The following DBT variants were observed in gnomAD, a reference collection of about 807,000 sequenced individuals.
DBT encodes lipoamide acyltransferase component of branched-chain alpha-keto acid dehydrogenase complex, mitochondrial.
DBT carries 40 observed loss-of-function variants against 51.3 expected under a neutral mutation model. The ratio of observed to expected loss-of-function variants is 0.78; its 90% CI spans 0.61 to 1.02. The LOEUF is 1.02. DBT is among the 50% of genes least tolerant of loss of function. The probability of loss-of-function intolerance (pLI) is 0.00; values close to 1 mark genes in which losing one functional copy is unlikely to be tolerated. For missense variants in DBT, 510 were observed against 580.2 expected (o/e 0.88, Z 1.24); for synonymous variants, 181 against 190.4 (o/e 0.95, Z 0.41).
At chr1:100,239,137 G>A (rs748935878) in intron 2 of DBT, among the ~76,000 whole-genome samples, 4 of 152,162 alleles carry the variant, frequency 2.6e-5, no homozygotes, top group Non-Finnish European at 5.9e-5. Context: ...TTGGAACACA[G>A]GTGATCAATA....
At chr1:100,222,606 T>C (rs1415010545) in intron 4 of DBT, among the ~76,000 whole-genome samples, 2 of 152,172 alleles carry the variant, frequency 1.3e-5, no homozygotes, top group Non-Finnish European at 2.9e-5. Flanking sequence ...AAAGCAGATA[T>C]TACATTTGTT....
intron 1 of DBT, 81 bp downstream of exon 1, chr1:100,249,689 A>G: frequency 2.9e-6 from 4 of 1,380,184 alleles, no homozygotes; most frequent in Admixed American, 3.3e-5. Flanking sequence ...CTGGCACCGG[A>G]GGAGAAAGTA....
Position 100,225,042 on chromosome 1 carries a change from A to AAAATATATGTAT in DBT, c.433+5690_433+5691insATACATATATTT, listed in dbSNP as rs59482100. The stretch of plus-strand genomic sequence containing the variant: ...CCCCCCAAAAAAAAAAAAAAAAAAA[A>AAAATATATGTAT]ATATATATATACACACACACACACA... On this transcript the variant is annotated intron_variant, in intron 4 of 10. Transcript: ENST00000370132. 3.1e-4 allele frequency among the ~76,000 whole-genome samples: 14 copies of AAAATATATGTAT among 45,654 alleles called. 7 individuals are homozygous for AAAATATATGTAT. The highest frequency in any genetic ancestry group is 1.9e-3 in the South Asian group (2 of 1,054). The allele number at this position is 45,654 out of a possible 152,430, so 30.0% of individuals were successfully genotyped here.
rs536832247 is a variant in DBT at position 100,200,592 on chromosome 1, C to T, written c.1282-4170G>A. The stretch of plus-strand genomic sequence containing the variant: ...ACTGCCTCCTCAAGTGGGTCTCTGA[C>T]CCCCATGCCTCCTGACGGGGAGACA... On this transcript the variant is annotated intron_variant, in intron 10 of 10. Coordinates refer to ENST00000370132, the MANE Select transcript of DBT (RefSeq NM_001918.5). Among the ~76,000 whole-genome samples, 6 of 152,296 alleles carry T rather than the reference C, an allele frequency of 3.9e-5. No individual in the cohort carries two copies. In the East Asian group the frequency reaches 1.2e-3, roughly 29 times the overall value.
chr1:100,195,371 A>G lies in DBT; in HGVS notation c.*884T>C, dbSNP rs1253152923. The G allele has an allele frequency of 6.6e-6, 1 of 152,634 alleles. No individual in the cohort carries two copies. Among genetic ancestry groups the G allele is most frequent in the African/African-American group, 2.4e-5 (1 of 41,450 alleles). The allele number at this position is 152,634 out of a possible 1,614,324, so 9.5% of individuals were successfully genotyped here. A position where few individuals can be genotyped will look rare whatever the true frequency, so the allele number is the denominator to read the frequency against. The stretch of plus-strand genomic sequence containing the variant: ...ACTGGTTATAAAACTATAATTGGAC[A>G]ATTTTAAGGCCAGTTTATACTTTTC... On this transcript the variant is annotated 3_prime_UTR_variant, in exon 11 of 11. Transcript: ENST00000370132.
chr1:100,210,650 A>G (rs1662080168), intron 8 of DBT, 44 bp downstream of exon 8: 2 of 1,611,728 alleles, frequency 1.2e-6, no homozygotes, highest in Admixed American at 3.3e-5. Context: ...CATTTGCCCC[A>G]TCTTCTATTA....
At position 100,216,173 on chromosome 1, in the gene DBT, TG is replaced by T; in HGVS notation, c.581del (p.Ser194Ter). Reference protein sequence around the residue: ...NNIKLSEVVGSGKDGRILKED... With the variant: ...NNIKLSEVVGXGKDGRILKED... Reference sequence around the variant, plus strand: ...CTTTAAGTATTCTGCCATCTTTTCCTGAGCCAACAACTTCACTCAGCTTAAT... The same window carrying T: ...CTTTAAGTATTCTGCCATCTTTTCCTAGCCAACAACTTCACTCAGCTTAAT... On this transcript the variant is annotated frameshift_variant, in exon 6 of 11. Coordinates refer to ENST00000370132, the MANE Select transcript of DBT (RefSeq NM_001918.5). LOFTEE classifies it high-confidence loss of function. 1 of 1,613,614 alleles carries T rather than the reference TG, an allele frequency of 6.2e-7. No individual in the cohort carries two copies. The highest frequency in any genetic ancestry group is 8.5e-7 in the Non-Finnish European group (1 of 1,179,606).
Position 100,230,742 on chromosome 1 carries a change from CT to C in DBT, c.423del (p.Ala142LeufsTer2). On this transcript the variant is annotated frameshift_variant, in exon 4 of 11. Coordinates refer to ENST00000370132, the MANE Select transcript of DBT (RefSeq NM_001918.5). LOFTEE classifies it high-confidence loss of function. ...VGKPLVDIET[E>X]ALKDSEEDVV... ...AACAGACTTACAATACCTTTTAAAG[CT>C]TCCGTTTCTATGTCTACTAATGGCT... 2 of 1,607,194 alleles carry C rather than the reference CT, an allele frequency of 1.2e-6. No individual in the cohort carries two copies. Among genetic ancestry groups the C allele is most frequent in the Non-Finnish European group, 8.5e-7 (1 of 1,175,442 alleles).
At chr1:100,232,154 G>A (rs541047825) in intron 3 of DBT, among the ~76,000 whole-genome samples, 19 of 152,276 alleles carry the variant, frequency 1.2e-4, no homozygotes, top group South Asian at 2.1e-4. Flanking sequence ...TAAGGTAAGC[G>A]TTTCGAGCAT....
At chr1:100,205,194 G>A (rs181176482) in intron 10 of DBT, among the ~76,000 whole-genome samples, 39 of 152,256 alleles carry the variant, frequency 2.6e-4, no homozygotes, top group Non-Finnish European at 1.0e-4. Context: ...GAACATTTTT[G>A]CAATCTATCT....
intron 4 of DBT, among the ~76,000 whole-genome samples, chr1:100,219,297 A>G (rs2100806014): frequency 6.6e-6 from 1 of 152,154 alleles, no homozygotes; most frequent in African/African-American, 2.4e-5. Flanking sequence ...GGCTGCAGTG[A>G]GCTGTAATTG....
At chr1:100,236,185 A>T (rs2100836064) in intron 2 of DBT, among the ~76,000 whole-genome samples, 1 of 151,796 alleles carries the variant, frequency 6.6e-6, no homozygotes, top group Admixed American at 6.6e-5. Flanking sequence ...ACAGCCTCAA[A>T]CTCCTGGGCT....
rs779084294 is a variant in DBT, at chr1:100,192,821, C to T, written c.*3434G>A. 7 of 152,180 alleles carry T rather than the reference C, an allele frequency of 4.6e-5. No individual in the cohort carries two copies. Among genetic ancestry groups the T allele is most frequent in the Non-Finnish European group, 8.8e-5 (6 of 68,040 alleles). 9.4% of individuals were successfully genotyped at this position (152,180 alleles called of 1,614,324 possible). On this transcript the variant is annotated 3_prime_UTR_variant, in exon 11 of 11. Coordinates refer to ENST00000370132, the MANE Select transcript of DBT (RefSeq NM_001918.5). Reference sequence around the variant, plus strand: ...AAAAGAGCCTTGATTTTCTTGCTGACCACTCGCAGCAATAATTTTGGCTTC... The same window carrying T: ...AAAAGAGCCTTGATTTTCTTGCTGATCACTCGCAGCAATAATTTTGGCTTC...
intron 10 of DBT, 109 bp from the exon 11 acceptor site, chr1:100,196,531 T>C: frequency 7.5e-7 from 1 of 1,341,080 alleles, no homozygotes; most frequent in Non-Finnish European, 9.5e-7. Context: ...CAAACCCTTC[T>C]TCCTGTACAG....
intron 9 of DBT, 56 bp from the exon 10 acceptor site, chr1:100,206,357 C>T: frequency 6.4e-7 from 1 of 1,568,006 alleles, no homozygotes; most frequent in Admixed American, 1.7e-5. Context: ...TTTCAGGGAA[C>T]AAATGCCAAG....
chr1:100,228,484 CAT>C (rs1663348640), intron 4 of DBT, among the ~76,000 whole-genome samples: 4 of 152,226 alleles, frequency 2.6e-5, no homozygotes, highest in East Asian at 3.9e-4. Context: ...ATAGGCCAGG[CAT>C]GGTGGCTCAT....
At chr1:100,236,245 A>C (rs1423262812) in intron 2 of DBT, among the ~76,000 whole-genome samples, 1 of 152,012 alleles carries the variant, frequency 6.6e-6, no homozygotes, top group African/African-American at 2.4e-5. Context: ...ACCACCCACC[A>C]CACCCAGCTT....
intron 4 of DBT, among the ~76,000 whole-genome samples, chr1:100,227,458 T>C (rs1392403002): frequency 1.3e-5 from 2 of 152,152 alleles, no homozygotes; most frequent in African/African-American, 4.8e-5. Context: ...AAAGGTCCAC[T>C]TTACAGAAGA....
chr1:100,222,934 C>G (rs772828816), intron 4 of DBT, among the ~76,000 whole-genome samples: 3 of 152,208 alleles, frequency 2.0e-5, no homozygotes, highest in African/African-American at 7.2e-5. Flanking sequence ...GGTATTTACA[C>G]TCTCAATCAG....
Sources: allele counts gnomAD v4.1 joint callset (sites outside exome capture counted in the v4.1 genomes callset), GRCh38; gene constraint gnomAD v4.1.1; transcripts MANE v1.5; gene names NCBI Gene and HGNC (gene_info 2026-07-23, HGNC 2026-07-21).